AGBL4: variants seen among roughly 807,000 people sequenced by gnomAD.
AGBL4 encodes the protein AGBL carboxypeptidase 4.
In AGBL4, 58 loss-of-function variants were observed where a neutral mutation model predicts 66.4. That is an observed-to-expected ratio of 0.87 (90% CI 0.71 to 1.09). The LOEUF (loss-of-function observed/expected upper bound fraction) is 1.09, where lower values mean the gene tolerates loss of function less well. Ranked by LOEUF, AGBL4 falls within the 50% of genes least tolerant of loss-of-function variation. AGBL4 has a pLI of 0.00. For missense variants in AGBL4, 579 were observed against 631.0 expected, an observed-to-expected ratio of 0.92 and a Z score of 0.88; for synonymous variants, 234 against 222.9, an observed-to-expected ratio of 1.05 and a Z score of -0.44.
intron 2 of AGBL4, among the ~76,000 whole-genome samples, chr1:49,739,756 T>C (rs1453613307): frequency 6.6e-6 from 1 of 152,132 alleles, no homozygotes; most frequent in Non-Finnish European, 1.5e-5. Flanking sequence ...TTCAACATTC[T>C]TAAAGAAAAG....
At chr1:49,240,598 C>T (rs943761832) in intron 4 of AGBL4, among the ~76,000 whole-genome samples, 1 of 145,380 alleles carries the variant, frequency 6.9e-6, no homozygotes, top group African/African-American at 2.6e-5. Flanking sequence ...CCCTCTCATC[C>T]TCCTTTGTGG....
intron 2 of AGBL4, among the ~76,000 whole-genome samples, chr1:49,838,920 G>A (rs1257660402): frequency 1.3e-5 from 2 of 152,148 alleles, no homozygotes; most frequent in Non-Finnish European, 2.9e-5. Flanking sequence ...AAGCATAAGA[G>A]GGTGGTTTAT....
chr1:48,874,212 C>T (rs961245398), intron 5 of AGBL4, among the ~76,000 whole-genome samples: 2 of 152,160 alleles, frequency 1.3e-5, no homozygotes, highest in African/African-American at 4.8e-5. Context: ...GGCTTCAGGG[C>T]TCAAGCCCTT....
chr1:48,996,895 A>G (rs1417420914), intron 5 of AGBL4, among the ~76,000 whole-genome samples: 1 of 150,366 alleles, frequency 6.7e-6, no homozygotes, highest in African/African-American at 2.5e-5. Context: ...TATTATTGCT[A>G]ATTTGTTTGC....
intron 5 of AGBL4, among the ~76,000 whole-genome samples, chr1:49,017,767 G>A (rs746987246): frequency 2.0e-5 from 3 of 152,150 alleles, no homozygotes; most frequent in Non-Finnish European, 2.9e-5. Flanking sequence ...ACAAAATAAT[G>A]AGTCCAGTGG....
intron 5 of AGBL4, among the ~76,000 whole-genome samples, chr1:48,963,117 A>C (rs1054553520): frequency 7.1e-6 from 1 of 141,462 alleles, no homozygotes; most frequent in African/African-American, 2.9e-5. Context: ...GGAGGCTAGG[A>C]AGTCCAAGAG....
intron 6 of AGBL4, among the ~76,000 whole-genome samples, chr1:48,707,695 C>G (rs549569886): frequency 6.6e-6 from 1 of 152,280 alleles, no homozygotes; most frequent in Non-Finnish European, 1.5e-5. Flanking sequence ...TTGGGTGTTT[C>G]TCTACAGCGG....
chr1:49,894,742 A>G (rs1297457742), intron 1 of AGBL4, among the ~76,000 whole-genome samples: 1 of 152,138 alleles, frequency 6.6e-6, no homozygotes, highest in Non-Finnish European at 1.5e-5. Flanking sequence ...AAAAAGAATA[A>G]AAACCAATGA....
chr1:49,821,406 C>T (rs577871480), intron 2 of AGBL4, among the ~76,000 whole-genome samples: 81 of 152,258 alleles, frequency 5.3e-4, no homozygotes, highest in African/African-American at 1.9e-3. Context: ...AACATAGGGT[C>T]AAATGAGATC....
At chr1:48,709,262 G>A (rs942373485) in intron 6 of AGBL4, among the ~76,000 whole-genome samples, 4 of 152,152 alleles carry the variant, frequency 2.6e-5, no homozygotes, top group African/African-American at 9.7e-5. Flanking sequence ...AGGCTTTGTG[G>A]CTACAAAGAC....
chr1:48,955,931 A>C (rs1657413703), intron 5 of AGBL4, among the ~76,000 whole-genome samples: 1 of 152,226 alleles, frequency 6.6e-6, no homozygotes, highest in Non-Finnish European at 1.5e-5. Flanking sequence ...GGAGTCATTA[A>C]TCATTAACTA....
chr1:49,769,566 A>G (rs1029540606), intron 2 of AGBL4, among the ~76,000 whole-genome samples: 9 of 152,192 alleles, frequency 5.9e-5, no homozygotes, highest in Non-Finnish European at 1.0e-4. Context: ...TTCAAACTAC[A>G]CTACAGGGCT....
chr1:49,586,890 T>C (rs1409745644), intron 3 of AGBL4, among the ~76,000 whole-genome samples: 5 of 152,176 alleles, frequency 3.3e-5, no homozygotes, highest in African/African-American at 1.2e-4. Flanking sequence ...CTGTCTTGAC[T>C]CATCTAGTTC....
At chr1:49,581,455 T>A (rs1218059764) in intron 3 of AGBL4, among the ~76,000 whole-genome samples, 2 of 152,178 alleles carry the variant, frequency 1.3e-5, no homozygotes, top group Non-Finnish European at 2.9e-5. Context: ...TTTATGTGTA[T>A]CTGGTGTAAA....
At chr1:50,015,395 T>C (rs1041613702) in intron 1 of AGBL4, among the ~76,000 whole-genome samples, 1 of 152,238 alleles carries the variant, frequency 6.6e-6, no homozygotes. Context: ...TTTAGCACAA[T>C]GCTTGATGCA....
At chr1:49,271,926 G>T (rs1570297160) in intron 3 of AGBL4, among the ~76,000 whole-genome samples, 1 of 152,094 alleles carries the variant, frequency 6.6e-6, no homozygotes, top group African/African-American at 2.4e-5. Flanking sequence ...GCTTTTGAGG[G>T]TACCAAAAGT....
At chr1:48,903,027 C>T (rs1652236821) in intron 5 of AGBL4, among the ~76,000 whole-genome samples, 1 of 152,150 alleles carries the variant, frequency 6.6e-6, no homozygotes, top group Non-Finnish European at 1.5e-5. Context: ...CACCTCCTTG[C>T]CTGTGCATAA....
intron 6 of AGBL4, among the ~76,000 whole-genome samples, chr1:48,825,586 G>C (rs1646410093): frequency 6.6e-6 from 1 of 152,164 alleles, no homozygotes; most frequent in South Asian, 2.1e-4. Flanking sequence ...GCCCAGAGGA[G>C]TGCTTGGCGT....
Position 49,761,217 on chromosome 1 carries a change from A to C in AGBL4, c.158-63780T>G, listed in dbSNP as rs370615662. Among the ~76,000 whole-genome samples, 8 of 152,244 alleles carry C rather than the reference A, an allele frequency of 5.3e-5. No homozygotes were observed. The South Asian group carries it at 8.3e-4, about 16-fold the overall frequency. ...CTTTAATTAAAAAATGTATGAACAA[A>C]AGAATCTGAAATTGTTTTCAAGAGT... On this transcript the variant is annotated intron_variant, in intron 2 of 13. Coordinates refer to ENST00000371839, the MANE Select transcript of AGBL4 (RefSeq NM_032785.4).
Sources: allele counts gnomAD v4.1 joint callset (sites outside exome capture counted in the v4.1 genomes callset), GRCh38; gene constraint gnomAD v4.1.1; transcripts MANE v1.5; gene names NCBI Gene and HGNC (gene_info 2026-07-23, HGNC 2026-07-21).